Variants in TRHDE observed in about 807,000 individuals in gnomAD.
The protein encoded by TRHDE is thyrotropin releasing hormone degrading enzyme.
TRHDE carries 72 observed loss-of-function variants against 125.7 expected under a neutral mutation model. The observed-to-expected ratio is 0.57, with a 90% CI of 0.47 to 0.70. TRHDE has a LOEUF of 0.70. Ranked by LOEUF, TRHDE falls within the 30% of genes least tolerant of loss-of-function variation. The probability of loss-of-function intolerance (pLI) is 0.00; values close to 1 mark genes in which losing one functional copy is unlikely to be tolerated. For missense variants in TRHDE, 1,110 were observed against 1,327.1 expected (o/e 0.84, Z 2.54); for synonymous variants, 509 against 509.1 (o/e 1.00, Z 0.00).
At chr12:72,420,490 C>A (rs1205919105) in intron 3 of TRHDE, among the ~76,000 whole-genome samples, 1 of 151,894 alleles carries the variant, frequency 6.6e-6, no homozygotes, top group East Asian at 1.9e-4. Context: ...GGGTGTGGAT[C>A]GTAAGATATA....
At chr12:72,354,512 GT>G (rs902406362) in intron 2 of TRHDE, among the ~76,000 whole-genome samples, 3 of 151,182 alleles carry the variant, frequency 2.0e-5, no homozygotes, top group African/African-American at 7.3e-5. Context: ...CATAGCAGGT[GT>G]TCTAATAAGT....
chr12:72,130,318 T>G (rs576592190), intron 2 of TRHDE, among the ~76,000 whole-genome samples: 1 of 152,138 alleles, frequency 6.6e-6, no homozygotes, highest in Non-Finnish European at 1.5e-5. Context: ...TTACCCAGGT[T>G]ACTCTATAAA....
At chr12:72,526,261 A>T (rs1868336026) in intron 6 of TRHDE, among the ~76,000 whole-genome samples, 1 of 152,114 alleles carries the variant, frequency 6.6e-6, no homozygotes, top group Non-Finnish European at 1.5e-5. Context: ...ACTCGGGAGC[A>T]AATACATGTA....
rs780886244 is a variant in TRHDE, at chr12:72,272,937, G to T, written c.294G>T (p.Ala98=). ...AFAVSLVALL[A]VTMLAVLLSL... ...CTGTGTCCCTCGTGGCATTGCTCGC[G>T]GTCACAATGCTCGCTGTGCTGCTCA... The change falls in exon 1 of 19, where the codon GCG becomes GCT. Residue 98 remains alanine (A), a synonymous_variant. Transcript: ENST00000261180. The surrounding 1 kb of genome is among the most constrained non-coding windows in gnomAD (Gnocchi z 6.7). 36 of 1,577,286 alleles carry T rather than the reference G, an allele frequency of 2.3e-5. 1 individual carries two copies. The South Asian group carries it at 3.4e-4, about 15-fold the overall frequency.
At chr12:72,229,917 G>A (rs1294130805) in intron 2 of TRHDE, among the ~76,000 whole-genome samples, 1 of 152,126 alleles carries the variant, frequency 6.6e-6, no homozygotes, top group Non-Finnish European at 1.5e-5. Context: ...AGGTCAGAAT[G>A]GACTTCTCAA....
intron 2 of TRHDE, among the ~76,000 whole-genome samples, chr12:72,315,993 A>G (rs1317311884): frequency 6.6e-6 from 1 of 152,192 alleles, no homozygotes; most frequent in African/African-American, 2.4e-5. Flanking sequence ...GTGTTGTGCC[A>G]GCTGCGGATT....
At chr12:72,601,448 C>G (rs1397611959) in intron 12 of TRHDE, among the ~76,000 whole-genome samples, 3 of 152,082 alleles carry the variant, frequency 2.0e-5, no homozygotes, top group Non-Finnish European at 4.4e-5. Context: ...TATAAACTTA[C>G]TTGCTATTAC....
chr12:72,093,024 G>A (rs1000454584), intron 1 of TRHDE, among the ~76,000 whole-genome samples: 3 of 152,162 alleles, frequency 2.0e-5, no homozygotes, highest in Non-Finnish European at 4.4e-5. Context: ...TTTGATAGTA[G>A]GAGCCCTCAG....
intron 7 of TRHDE, among the ~76,000 whole-genome samples, chr12:72,552,976 T>A (rs1349557483): frequency 6.6e-6 from 1 of 152,174 alleles, no homozygotes; most frequent in Non-Finnish European, 1.5e-5. Context: ...ATAGGAGACT[T>A]ATCTCCAGTA....
At chr12:72,658,044 G>A (rs578180941) in intron 18 of TRHDE, among the ~76,000 whole-genome samples, 5 of 152,100 alleles carry the variant, frequency 3.3e-5, no homozygotes, top group East Asian at 1.9e-4. Context: ...TGATTATCCC[G>A]TGTGCACTAA....
At chr12:72,229,647 GACTTT>G in intron 2 of TRHDE, among the ~76,000 whole-genome samples, 1 of 152,110 alleles carries the variant, frequency 6.6e-6, no homozygotes, top group East Asian at 1.9e-4. Flanking sequence ...AATATATCTG[GACTTT>G]ACTAAAATCA....
intron 2 of TRHDE, among the ~76,000 whole-genome samples, chr12:72,294,347 G>T (rs1880206124): frequency 1.3e-5 from 2 of 152,126 alleles, no homozygotes; most frequent in Admixed American, 6.5e-5. Flanking sequence ...AAGCTCAGAG[G>T]GAACCTGTCT....
chr12:72,330,358 C>T (rs1869537030), intron 2 of TRHDE, among the ~76,000 whole-genome samples: 2 of 151,044 alleles, frequency 1.3e-5, no homozygotes, highest in Admixed American at 1.3e-4. Flanking sequence ...AACCATAGCT[C>T]AAAAAAGCCA....
At chr12:72,564,617 G>C (rs931150548) in intron 9 of TRHDE, among the ~76,000 whole-genome samples, 1 of 141,486 alleles carries the variant, frequency 7.1e-6, no homozygotes, top group African/African-American at 2.5e-5. Flanking sequence ...CAGCTTTGTC[G>C]GTTTGTCTTC....
At chr12:72,225,343 A>G (rs1878108089) in intron 2 of TRHDE, among the ~76,000 whole-genome samples, 1 of 152,170 alleles carries the variant, frequency 6.6e-6, no homozygotes, top group Admixed American at 6.6e-5. Flanking sequence ...TGCTTAAATA[A>G]TATTTATCAC....
At chr12:72,481,830 G>A (rs537133255) in intron 5 of TRHDE, among the ~76,000 whole-genome samples, 5 of 151,912 alleles carry the variant, frequency 3.3e-5, no homozygotes, top group African/African-American at 1.2e-4. Flanking sequence ...GTCAGTTTGT[G>A]TCATATACAT....
intron 6 of TRHDE, among the ~76,000 whole-genome samples, chr12:72,514,822 G>A (rs1472750552): frequency 3.4e-5 from 4 of 117,772 alleles, no homozygotes; most frequent in Non-Finnish European, 4.9e-5. Flanking sequence ...AGAGTGTGAT[G>A]TTCCCCTTCC....
chr12:72,130,419 T>C (rs765486665), intron 2 of TRHDE, among the ~76,000 whole-genome samples: 1 of 152,170 alleles, frequency 6.6e-6, no homozygotes, highest in Non-Finnish European at 1.5e-5. Context: ...GTTATAAAGA[T>C]AGTATTGTAC....
At chr12:72,496,663 G>A (rs1411322353) in intron 5 of TRHDE, among the ~76,000 whole-genome samples, 1 of 152,092 alleles carries the variant, frequency 6.6e-6, no homozygotes, top group African/African-American at 2.4e-5. Flanking sequence ...AGCACATTCA[G>A]CCTGTAAGAT....
Sources: gnomAD v4.1 joint callset for allele counts (sites outside exome capture counted in the v4.1 genomes callset) on GRCh38, gnomAD v4.1.1 for gene constraint, Gnocchi (gnomAD v3.1) non-coding constraint, MANE v1.5 for transcripts, NCBI Gene and HGNC (gene_info 2026-07-23, HGNC 2026-07-21) for gene names.